The following DGKB variants were observed in gnomAD, a reference collection of about 807,000 sequenced individuals.
The protein encoded by DGKB is 90 kDa diacylglycerol kinase.
Under a neutral mutation model 114.3 loss-of-function variants are expected in DGKB, and 67 were observed. The observed-to-expected ratio is 0.59, with a 90% CI of 0.48 to 0.72. The LOEUF is 0.72. Ranked by LOEUF, DGKB falls within the 30% of genes least tolerant of loss-of-function variation. DGKB has a pLI of 0.00. For missense variants in DGKB, 907 were observed against 975.2 expected (o/e 0.93, Z 0.93); for synonymous variants, 398 against 323.1 (o/e 1.23, Z -2.49).
intron 23 of DGKB, among the ~76,000 whole-genome samples, chr7:14,330,610 T>A (rs768960583): frequency 6.6e-6 from 1 of 152,018 alleles, no homozygotes; most frequent in Admixed American, 6.6e-5. Context: ...CACACCAGAT[T>A]TTTTAAATTT....
intron 20 of DGKB, among the ~76,000 whole-genome samples, chr7:14,536,425 C>G (rs916844896): frequency 2.6e-5 from 4 of 152,074 alleles, no homozygotes; most frequent in African/African-American, 9.7e-5. Flanking sequence ...AAATATTTAG[C>G]AAATCAAGTT....
At chr7:14,470,457 G>A (rs1016825238) in intron 21 of DGKB, among the ~76,000 whole-genome samples, 1 of 151,800 alleles carries the variant, frequency 6.6e-6, no homozygotes, top group Non-Finnish European at 1.5e-5. Context: ...CCTGAATGAT[G>A]ACATTGTGAT....
intron 6 of DGKB, among the ~76,000 whole-genome samples, chr7:14,717,458 C>A (rs771205627): frequency 2.9e-4 from 44 of 151,942 alleles, no homozygotes; most frequent in Non-Finnish European, 1.5e-4. Flanking sequence ...CAAAATAAAT[C>A]TTGAAATGCA....
At chr7:14,685,181 A>G (rs1174972819) in intron 10 of DGKB, 64 bp downstream of exon 10, 1 of 1,039,426 alleles carries the variant, frequency 9.6e-7, no homozygotes, top group Non-Finnish European at 1.5e-6. Context: ...AAATAAGACT[A>G]TTCCATGAAA....
intron 1 of DGKB, among the ~76,000 whole-genome samples, chr7:14,916,080 G>A (rs926289181): frequency 2.0e-5 from 3 of 150,890 alleles, no homozygotes; most frequent in African/African-American, 7.4e-5. Context: ...GATATATGCT[G>A]TTATTCGGTA....
chr7:14,536,871 A>G (rs922074557), intron 20 of DGKB, among the ~76,000 whole-genome samples: 4 of 152,128 alleles, frequency 2.6e-5, no homozygotes, highest in African/African-American at 9.6e-5. Flanking sequence ...TCCAAATTAG[A>G]TAAGAAGAAA....
At chr7:14,775,543 GGGAGAT>G (rs1221423141) in intron 2 of DGKB, among the ~76,000 whole-genome samples, 8 of 151,798 alleles carry the variant, frequency 5.3e-5, no homozygotes, top group Non-Finnish European at 1.2e-4. Flanking sequence ...GCGACCTAGT[GGGAGAT>G]AATTGAATCA....
intron 20 of DGKB, among the ~76,000 whole-genome samples, chr7:14,509,999 C>T (rs1255641035): frequency 6.6e-6 from 1 of 152,078 alleles, no homozygotes; most frequent in African/African-American, 2.4e-5. Context: ...CACGGTGAAA[C>T]CCCGTCTCTA....
intron 23 of DGKB, among the ~76,000 whole-genome samples, chr7:14,309,637 C>A (rs1805040351): frequency 1.3e-5 from 2 of 152,174 alleles, no homozygotes; most frequent in Non-Finnish European, 2.9e-5. Context: ...CCTCTTTTCA[C>A]AAGATAGTAT....
chr7:14,938,539 G>A (rs1785390826), intron 1 of DGKB, among the ~76,000 whole-genome samples: 1 of 151,786 alleles, frequency 6.6e-6, no homozygotes, highest in South Asian at 2.1e-4. Context: ...CATTTGTCTG[G>A]GACCACATTT....
At chr7:14,897,852 T>C (rs200220169) in intron 1 of DGKB, among the ~76,000 whole-genome samples, 1 of 151,910 alleles carries the variant, frequency 6.6e-6, no homozygotes, top group Admixed American at 6.6e-5. Flanking sequence ...AGGCAAAATA[T>C]TGTGGAAGTG....
intron 21 of DGKB, among the ~76,000 whole-genome samples, chr7:14,411,255 T>C (rs1165962542): frequency 6.6e-6 from 1 of 152,212 alleles, no homozygotes; most frequent in Non-Finnish European, 1.5e-5. Flanking sequence ...ACCTATAATG[T>C]TTGGTCAGTT....
intron 23 of DGKB, among the ~76,000 whole-genome samples, chr7:14,279,207 C>A (rs953839667): frequency 6.7e-6 from 1 of 149,796 alleles, no homozygotes; most frequent in Admixed American, 6.6e-5. Context: ...GAGATTATAT[C>A]CCGCACGTGG....
chr7:14,614,382 A>G (rs957089082), intron 15 of DGKB, among the ~76,000 whole-genome samples: 1 of 152,118 alleles, frequency 6.6e-6, no homozygotes, highest in Non-Finnish European at 1.5e-5. Context: ...CCATCTAAAT[A>G]CAGTTTGATG....
intron 23 of DGKB, among the ~76,000 whole-genome samples, chr7:14,203,500 G>T (rs977101030): frequency 1.3e-5 from 2 of 151,946 alleles, no homozygotes; most frequent in Admixed American, 6.6e-5. Flanking sequence ...ATTTTTAAAA[G>T]ATAGCCAGCT....
intron 1 of DGKB, among the ~76,000 whole-genome samples, chr7:14,944,287 A>G (rs1041657155): frequency 6.6e-6 from 1 of 151,912 alleles, no homozygotes; most frequent in Admixed American, 6.6e-5. Flanking sequence ...ATTTTGTATC[A>G]TTTAACACCA....
At chr7:14,890,701 T>C (rs1231838357) in intron 1 of DGKB, among the ~76,000 whole-genome samples, 1 of 151,284 alleles carries the variant, frequency 6.6e-6, no homozygotes, top group Non-Finnish European at 1.5e-5. Flanking sequence ...CACCGGCTAA[T>C]CACCTATTCT....
chr7:14,570,984 T>A (rs922356810), intron 20 of DGKB, among the ~76,000 whole-genome samples: 1 of 152,176 alleles, frequency 6.6e-6, no homozygotes, highest in Admixed American at 6.5e-5. Flanking sequence ...TTTGAGGTGT[T>A]GTCCCATGCA....
At chr7:14,769,142 A>G (rs1312977733) in intron 2 of DGKB, among the ~76,000 whole-genome samples, 1 of 149,336 alleles carries the variant, frequency 6.7e-6, no homozygotes, top group Non-Finnish European at 1.5e-5. Context: ...AGAGAAAGAA[A>G]GAAAGAAAGA....
Sources: allele counts gnomAD v4.1 joint callset (sites outside exome capture counted in the v4.1 genomes callset), GRCh38; gene constraint gnomAD v4.1.1; transcripts MANE v1.5; gene names NCBI Gene and HGNC (gene_info 2026-07-23, HGNC 2026-07-21).